The following DDX1 variants were observed in gnomAD, a reference collection of about 807,000 sequenced individuals.
The protein encoded by DDX1 is ATP-dependent RNA helicase DDX1.
DDX1 carries 28 observed loss-of-function variants against 108.7 expected under a neutral mutation model. The ratio of observed to expected loss-of-function variants is 0.26; its 90% confidence interval spans 0.19 to 0.35. DDX1 has a LOEUF of 0.35. Ranked by LOEUF, DDX1 falls within the 10% of genes least tolerant of loss-of-function variation. The probability of loss-of-function intolerance (pLI) is 1.00; values close to 1 mark genes in which losing one functional copy is unlikely to be tolerated. For synonymous variants in DDX1, 295 were observed against 288.9 expected, an observed-to-expected ratio of 1.02 and a Z score of -0.21; for missense variants, 710 against 884.5, an observed-to-expected ratio of 0.80 and a Z score of 2.50.
At chr2:15,611,332 C>T (rs1234739817) in intron 13 of DDX1, among the ~76,000 whole-genome samples, 1 of 150,230 alleles carries the variant, frequency 6.7e-6, no homozygotes, top group African/African-American at 2.5e-5. Flanking sequence ...CTTTTCCCCA[C>T]CTCTCCCCAC....
chr2:15,596,546 T>G (rs932172316), intron 3 of DDX1, among the ~76,000 whole-genome samples, 188 bp from the exon 4 acceptor site: 12 of 152,120 alleles, frequency 7.9e-5, no homozygotes, highest in African/African-American at 2.9e-4. Context: ...AGAAGATTCT[T>G]AAGGGTATGG....
intron 15 of DDX1, 75 bp from the exon 16 acceptor site, chr2:15,618,106 T>G (rs1665929892): frequency 3.7e-6 from 3 of 808,270 alleles, no homozygotes; most frequent in Non-Finnish European, 5.9e-6. Context: ...GAAAAAAGAT[T>G]TTTGATACTG....
chr2:15,628,629 T>C lies in DDX1; in HGVS notation c.1760-9T>C. On this transcript the variant is annotated splice_polypyrimidine_tract_variant and intron_variant, in intron 21 of 25. Transcript: ENST00000233084. ...ACTGGCAATTGTTAATAATGGTTTT[T>C]ATTTATAGTTATAAATGTCACTCTG... is the stretch of plus-strand genomic sequence containing the variant. 6.2e-7 allele frequency: 1 copy of C among 1,606,910 alleles called. No individual in the cohort carries two copies. The highest frequency in any genetic ancestry group is 8.5e-7 in the Non-Finnish European group (1 of 1,175,464).
At chr2:15,600,842 G>C (rs1665579611) in intron 6 of DDX1, among the ~76,000 whole-genome samples, 2 of 147,492 alleles carry the variant, frequency 1.4e-5, no homozygotes, top group Admixed American at 7.0e-5. Flanking sequence ...TCCACCTCAC[G>C]GGTTCTTATT....
intron 8 of DDX1, 76 bp downstream of exon 8, chr2:15,603,351 TAATA>T: frequency 1.0e-6 from 1 of 995,650 alleles, no homozygotes; most frequent in Admixed American, 2.3e-5. Flanking sequence ...GGAAGCAAAA[TAATA>T]AATTTAACCA....
intron 13 of DDX1, among the ~76,000 whole-genome samples, chr2:15,611,126 C>T (rs1665745822): frequency 1.3e-5 from 2 of 149,512 alleles, no homozygotes; most frequent in Non-Finnish European, 3.0e-5. Context: ...TTTAACAAAG[C>T]ACATCTTGCA....
chr2:15,620,525 C>G (rs1300168742), intron 17 of DDX1, 129 bp downstream of exon 17: 1 of 625,486 alleles, frequency 1.6e-6, no homozygotes, highest in Non-Finnish European at 2.6e-6. Flanking sequence ...CATCGTAAAC[C>G]CTTAGACCTT....
intron 4 of DDX1, among the ~76,000 whole-genome samples, chr2:15,597,141 A>G (rs3815688): frequency 0.21 from 31,724 of 152,070 alleles, 3,820 homozygotes; most frequent in Admixed American, 0.28. Context: ...GGTTCATTCT[A>G]CCAGTCTCCA....
At chr2:15,620,503 A>C in intron 17 of DDX1, 107 bp downstream of exon 17, 1 of 811,526 alleles carries the variant, frequency 1.2e-6, no homozygotes, top group Non-Finnish European at 1.9e-6. Context: ...TGTATCAAAG[A>C]AAAGTCCAAT....
chr2:15,602,552 T>G lies in DDX1; in HGVS notation c.312T>G (p.Ile104Met). 6.2e-7 allele frequency: 1 copy of G among 1,613,038 alleles called. No individual in the cohort carries two copies. The highest frequency in any genetic ancestry group is 8.5e-7 in the Non-Finnish European group (1 of 1,179,010). The change falls in exon 7 of 26, where the codon ATT becomes ATG. Residue 104 changes from isoleucine (I) to methionine (M), a missense_variant. Transcript: ENST00000233084. ...GTGTTTTCTTCTCAAATCCAGCAAT[T>G]GGGTCAGATGGTCTTTGTTGTCAAA... ...NPYDRGSAFA[I>M]GSDGLCCQSR...
chr2:15,599,711 C>CT lies in DDX1; in HGVS notation c.306dup (p.Ala103CysfsTer21). On this transcript the variant is annotated frameshift_variant, in exon 6 of 26. Transcript: ENST00000233084. LOFTEE classifies it high-confidence loss of function. ...ATGAACCCATATGACAGAGGATCTG[C>CT]TTTTGGTAAGTGGATAGACTTTCCA... The CT allele has an allele frequency of 6.2e-7, 1 of 1,607,594 alleles. No individual in the cohort carries two copies. Among genetic ancestry groups the CT allele is most frequent in the East Asian group, 2.2e-5 (1 of 44,560 alleles).
In DDX1 at chr2:15,630,246, C is replaced by A. The variant is rs1032119523; in HGVS notation, c.2092+136C>A. ...CGTGTTAATCATTCCCTCCTTATTA[C>A]CCTCATAGTACTTTGTCCATACCTG... On this transcript the variant is annotated intron_variant, in intron 25 of 25. Transcript: ENST00000233084. 5.8e-5 allele frequency: 49 copies of A among 846,124 alleles called. No homozygotes were observed. In the Admixed American group the frequency reaches 6.0e-4, roughly 10 times the overall value. 52.4% of individuals were successfully genotyped at this position (846,124 alleles called of 1,614,324 possible). A position where few individuals can be genotyped will look rare whatever the true frequency, so the allele number is the denominator to read the frequency against.
chr2:15,602,636 T>G lies in DDX1; in HGVS notation c.391+5T>G. ...CTACTAAAGGATTAATGAAAGGTAT[T>G]TGAACAGCATCTGCACTTGTATAAA... On this transcript the variant is annotated splice_donor_5th_base_variant and intron_variant, in intron 7 of 25. Coordinates refer to ENST00000233084, the MANE Select transcript of DDX1 (RefSeq NM_004939.3). 1 of 1,587,502 alleles carries G rather than the reference T, an allele frequency of 6.3e-7. No homozygotes were observed. The highest frequency in any genetic ancestry group is 1.3e-5 in the African/African-American group (1 of 74,316).
chr2:15,627,234 A>G (rs957288663), intron 20 of DDX1, 89 bp downstream of exon 20: 5 of 693,984 alleles, frequency 7.2e-6, no homozygotes, highest in Admixed American at 3.3e-5. Context: ...TATTAAAGCA[A>G]TTATTGTCCT....
chr2:15,623,266 T>G (rs983677247), intron 18 of DDX1, among the ~76,000 whole-genome samples, 170 bp from the exon 19 acceptor site: 7 of 152,196 alleles, frequency 4.6e-5, no homozygotes, highest in African/African-American at 1.7e-4. Context: ...TTTAACTCAC[T>G]GTTTTACTCT....
chr2:15,606,225 A>C lies in DDX1; in HGVS notation c.778A>C (p.Lys260Gln), dbSNP rs1414302428. Reference protein sequence around the residue: ...PPKDGFVALSKAPDGYIVKSQ... With the variant: ...PPKDGFVALSQAPDGYIVKSQ... ...AAAAGATGGCTTTGTTGCTCTTTCCAAGGCACCGGATGGTTACATTGTCAA... is the reference window on the plus strand; with the variant it reads ...AAAAGATGGCTTTGTTGCTCTTTCCCAGGCACCGGATGGTTACATTGTCAA... Residue 260 changes from lysine (K) to glutamine (Q), a missense_variant, in exon 12 of 26, where the codon AAG (lysine) becomes CAG (glutamine). Physicochemically the swap from Lys to Gln is moderately conservative, Grantham distance 53. Around this residue, in one of 3 missense-constraint regions of DDX1, gnomAD observed 661 missense variants for 810.2 expected, o/e 0.82. Transcript: ENST00000233084. 6.2e-7 allele frequency: 1 copy of C among 1,613,984 alleles called. No individual in the cohort carries two copies. Among genetic ancestry groups the C allele is most frequent in the African/African-American group, 1.3e-5 (1 of 74,942 alleles).
chr2:15,612,356 A>G (rs574380741), intron 13 of DDX1, among the ~76,000 whole-genome samples: 47 of 149,158 alleles, frequency 3.2e-4, no homozygotes, highest in African/African-American at 1.2e-3. Flanking sequence ...CGCCCCCCAC[A>G]TCTCAGACGA....
intron 13 of DDX1, among the ~76,000 whole-genome samples, chr2:15,612,986 G>A (rs1665803440): frequency 6.6e-6 from 1 of 151,670 alleles, no homozygotes; most frequent in Admixed American, 6.6e-5. Context: ...CGGTATCAGA[G>A]GGAGACCGTG....
Position 15,623,354 on chromosome 2 carries a change from A to G in DDX1, c.1448-82A>G, listed in dbSNP as rs867548470. On this transcript the variant is annotated intron_variant, in intron 18 of 25. Coordinates refer to ENST00000233084, the MANE Select transcript of DDX1 (RefSeq NM_004939.3). ...TCTTTTTTAGGAAAATTAAGCAGTC[A>G]GTCTGTGACTATAATTATGTGTATT... 1.1e-5 allele frequency: 14 copies of G among 1,320,608 alleles called. No homozygotes were observed. The Middle Eastern group carries it at 1.5e-3, about 142-fold the overall frequency. The allele number at this position is 1,320,608 out of a possible 1,614,324, so 81.8% of individuals were successfully genotyped here. A position where few individuals can be genotyped will look rare whatever the true frequency, so the allele number is the denominator to read the frequency against.
Sources: allele counts gnomAD v4.1 joint callset (sites outside exome capture counted in the v4.1 genomes callset), GRCh38; gene constraint gnomAD v4.1.1; regional missense constraint gnomAD v4.1.1; transcripts MANE v1.5; gene names NCBI Gene and HGNC (gene_info 2026-07-23, HGNC 2026-07-21).